The following PCDHGA9 variants were observed in gnomAD, a reference collection of about 807,000 sequenced individuals.
The protein encoded by PCDHGA9 is protocadherin gamma-A9.
PCDHGA9 carries 37 observed loss-of-function variants against 62.5 expected under a neutral mutation model. That is an observed-to-expected ratio of 0.59 (90% CI 0.46 to 0.78). The LOEUF (loss-of-function observed/expected upper bound fraction) is 0.78, where lower values mean the gene tolerates loss of function less well. PCDHGA9 is among the 30% of genes least tolerant of loss of function. PCDHGA9 has a pLI of 0.00. For missense variants in PCDHGA9, 1,138 were observed against 1,166.2 expected (o/e 0.98, Z 0.35); for synonymous variants, 459 against 484.6 (o/e 0.95, Z 0.69).
rs781198519 is a variant in PCDHGA9 at position 141,432,162 on chromosome 5, G to A, written c.2424+26786G>A. ...TATATCCCAGAGAACAATCCCAGAG[G>A]AGTTTCCCTCGTCTCTGTGACCGCC... On this transcript the variant is annotated intron_variant, in intron 1 of 3. Coordinates refer to ENST00000573521, the MANE Select transcript of PCDHGA9 (RefSeq NM_018921.3). The surrounding 1 kb of genome is among the most constrained non-coding windows in gnomAD (Gnocchi z 6.0). 1 of 1,614,070 alleles carries A rather than the reference G, an allele frequency of 6.2e-7. No homozygotes were observed. The highest frequency in any genetic ancestry group is 8.5e-7 in the Non-Finnish European group (1 of 1,180,030).
chr5:141,418,433 C>A (rs761824602), intron 1 of PCDHGA9: 6 of 1,613,820 alleles, frequency 3.7e-6, no homozygotes, highest in South Asian at 3.3e-5. Flanking sequence ...TGGCAAATAT[C>A]CAGAATTAGT....
In PCDHGA9 at chr5:141,460,961, A is replaced by ATATGTGTGTG. The variant is rs1463306338; in HGVS notation, c.2425-33845_2425-33844insATGTGTGTGT. On this transcript the variant is annotated intron_variant, in intron 1 of 3. Coordinates refer to ENST00000573521, the MANE Select transcript of PCDHGA9 (RefSeq NM_018921.3). ...ATATATATGTATTATGTATATATAT[A>ATATGTGTGTG]TGTGTGTGTGTGTGTGTGTGTGTAT... Among the ~76,000 whole-genome samples the ATATGTGTGTG allele has an allele frequency of 1.3e-3, 194 of 144,616 alleles. 1 individual carries two copies. The highest frequency in any genetic ancestry group is 4.7e-3 in the African/African-American group (182 of 38,716). 94.9% of individuals were successfully genotyped at this position (144,616 alleles called of 152,430 possible). A position where few individuals can be genotyped will look rare whatever the true frequency, so the allele number is the denominator to read the frequency against.
At position 141,431,020 on chromosome 5, in the gene PCDHGA9, G is replaced by T. The variant is rs941765907; in HGVS notation, c.2424+25644G>T. ...CGCGCAGCGGCAGCTTGGTCACGGCGGGCAGGATAGACCGGGAGGAGCTCT... is the reference window on the plus strand; with the variant it reads ...CGCGCAGCGGCAGCTTGGTCACGGCTGGCAGGATAGACCGGGAGGAGCTCT... On this transcript the variant is annotated intron_variant, in intron 1 of 3. Coordinates refer to ENST00000573521, the MANE Select transcript of PCDHGA9 (RefSeq NM_018921.3). This position sits in a 1 kb window ranked among gnomAD's most constrained non-coding sequence, Gnocchi z 4.8. 2.5e-6 allele frequency: 4 copies of T among 1,614,050 alleles called. No homozygotes were observed. The East Asian group carries it at 8.9e-5, about 36-fold the overall frequency.
intron 1 of PCDHGA9, among the ~76,000 whole-genome samples, chr5:141,469,716 A>G (rs1189597018): frequency 3.9e-5 from 6 of 152,260 alleles, no homozygotes; most frequent in African/African-American, 1.4e-4. Context: ...CACTATTAGG[A>G]ATTTATCATA....
intron 1 of PCDHGA9, among the ~76,000 whole-genome samples, chr5:141,469,808 A>C (rs1253675252): frequency 2.0e-5 from 3 of 152,174 alleles, no homozygotes; most frequent in Admixed American, 6.5e-5. Flanking sequence ...AAAACATTGT[A>C]GATAGAATGG....
At position 141,486,001 on chromosome 5, in the gene PCDHGA9, C is replaced by G. The variant is rs771993915; in HGVS notation, c.2425-8806C>G. 6.2e-7 allele frequency: 1 copy of G among 1,614,194 alleles called. No homozygotes were observed. Among genetic ancestry groups the G allele is most frequent in the Non-Finnish European group, 8.5e-7 (1 of 1,180,024 alleles). On this transcript the variant is annotated intron_variant, in intron 1 of 3. Transcript: ENST00000573521. The surrounding 1 kb of genome is among the most constrained non-coding windows in gnomAD (Gnocchi z 5.0). ...ACCCGGACCTGGGTCCCAGTGGTAACGTCACCTTTTATTTCAGTGGTCATA... is the reference window on the plus strand; with the variant it reads ...ACCCGGACCTGGGTCCCAGTGGTAAGGTCACCTTTTATTTCAGTGGTCATA...
At chr5:141,484,404 G>C (rs1333849091) in intron 1 of PCDHGA9, among the ~76,000 whole-genome samples, 3 of 152,174 alleles carry the variant, frequency 2.0e-5, no homozygotes, top group Non-Finnish European at 4.4e-5. Flanking sequence ...GGTTTCCGCT[G>C]TGTCTCCTGT....
chr5:141,404,829 TGC>T lies in PCDHGA9; in HGVS notation c.1880_1881del (p.Arg627HisfsTer8), dbSNP rs774802551. 6.2e-6 allele frequency: 10 copies of T among 1,608,020 alleles called. No individual in the cohort carries two copies. In the Admixed American group the frequency reaches 1.7e-4, roughly 27 times the overall value. On this transcript the variant is annotated frameshift_variant, in exon 1 of 4. Coordinates refer to ENST00000573521, the MANE Select transcript of PCDHGA9 (RefSeq NM_018921.3). LOFTEE classifies it high-confidence loss of function. ...TCGGTGGGGCTGCACACAGGTGAAGTGCGCACAGCTCGGGCCCTGCTAGATAG... is the reference window on the plus strand; with the variant it reads ...TCGGTGGGGCTGCACACAGGTGAAGTGCACAGCTCGGGCCCTGCTAGATAG...
intron 1 of PCDHGA9, among the ~76,000 whole-genome samples, chr5:141,469,864 C>T (rs963843852): frequency 6.6e-6 from 1 of 152,218 alleles, no homozygotes; most frequent in African/African-American, 2.4e-5. Flanking sequence ...GGTGCAATGG[C>T]TCACGCCTGT....
chr5:141,435,027 AC>A (rs1485237615), intron 1 of PCDHGA9, among the ~76,000 whole-genome samples: 1 of 151,978 alleles, frequency 6.6e-6, no homozygotes, highest in Non-Finnish European at 1.5e-5. Flanking sequence ...CTCTTTTCCC[AC>A]TTTTATTTTT....
intron 1 of PCDHGA9, among the ~76,000 whole-genome samples, chr5:141,447,677 A>G (rs748479750): frequency 6.6e-6 from 1 of 152,184 alleles, no homozygotes; most frequent in Non-Finnish European, 1.5e-5. Context: ...GAACTGTTCC[A>G]TATCTTGATA....
At chr5:141,482,089 C>CA (rs36035257) in intron 1 of PCDHGA9, among the ~76,000 whole-genome samples, 13,509 of 134,292 alleles carry the variant, frequency 0.1, 910 homozygotes, top group African/African-American at 0.2. Context: ...CACTCCATCT[C>CA]AAAAAAAAAA....
At chr5:141,418,878 A>G (rs1193526475) in intron 1 of PCDHGA9, 2 of 1,613,930 alleles carry the variant, frequency 1.2e-6, no homozygotes, top group Non-Finnish European at 8.5e-7. Context: ...GTTGTAGACG[A>G]AAACGACAAC....
At position 141,486,837 on chromosome 5, in the gene PCDHGA9, T is replaced by G; in HGVS notation, c.2425-7970T>G. The G allele has an allele frequency of 6.2e-7, 1 of 1,614,256 alleles. No individual in the cohort carries two copies. The highest frequency in any genetic ancestry group is 8.5e-7 in the Non-Finnish European group (1 of 1,180,044). ...AGCACTGTAACAGTTCGTCTATTTG[T>G]GCTGGACCTCAATGACAATGCTCCA... On this transcript the variant is annotated intron_variant, in intron 1 of 3. Transcript: ENST00000573521. The surrounding 1 kb of genome is among the most constrained non-coding windows in gnomAD (Gnocchi z 5.0).
At chr5:141,473,010 AAAAG>A (rs1014377988) in intron 1 of PCDHGA9, among the ~76,000 whole-genome samples, 22 of 151,958 alleles carry the variant, frequency 1.4e-4, no homozygotes, top group Admixed American at 7.9e-4. Context: ...AAGAAAAAGA[AAAAG>A]AAAGAAGGAA....
At position 141,487,448 on chromosome 5, in the gene PCDHGA9, C is replaced by T; in HGVS notation, c.2425-7359C>T. The stretch of plus-strand genomic sequence containing the variant: ...CCGAATCCAGCTAGGGTCAGATGAC[C>T]CTATCAAGTTTGTTGATGTGGGAGG... On this transcript the variant is annotated intron_variant, in intron 1 of 3. Coordinates refer to ENST00000573521, the MANE Select transcript of PCDHGA9 (RefSeq NM_018921.3). The surrounding 1 kb of genome is among the most constrained non-coding windows in gnomAD (Gnocchi z 5.0). 6.8e-6 allele frequency: 11 copies of T among 1,614,146 alleles called. No individual in the cohort carries two copies. The highest frequency in any genetic ancestry group is 9.3e-6 in the Non-Finnish European group (11 of 1,180,028).
chr5:141,428,495 T>C (rs1023405537), intron 1 of PCDHGA9: 3 of 295,346 alleles, frequency 1.0e-5, no homozygotes, highest in African/African-American at 6.5e-5. Flanking sequence ...AATCTGTATG[T>C]TCCCTCGGAT....
chr5:141,442,786 A>T (rs569050347), intron 1 of PCDHGA9, among the ~76,000 whole-genome samples: 12 of 152,308 alleles, frequency 7.9e-5, no homozygotes, highest in African/African-American at 2.6e-4. Context: ...TATATTTTAT[A>T]ATTTTACTTT....
chr5:141,503,781 G>A (rs1393561411), intron 2 of PCDHGA9, among the ~76,000 whole-genome samples: 1 of 152,110 alleles, frequency 6.6e-6, no homozygotes, highest in East Asian at 1.9e-4. Flanking sequence ...TTCTTAGGCT[G>A]AGTTCATCTA....
Sources: allele counts gnomAD v4.1 joint callset (sites outside exome capture counted in the v4.1 genomes callset), GRCh38; gene constraint gnomAD v4.1.1; non-coding constraint Gnocchi (gnomAD v3.1); transcripts MANE v1.5; gene names NCBI Gene and HGNC (gene_info 2026-07-23, HGNC 2026-07-21).